Variants in GPC5 observed in about 807,000 individuals in gnomAD.
GPC5 encodes glypican 5, also known as glypican-5.
A neutral mutation model predicts 53.9 loss-of-function variants in GPC5; 47 were observed. That is an observed-to-expected ratio of 0.87 (90% CI 0.69 to 1.11). GPC5 has a LOEUF of 1.11. GPC5 is among the 50% of genes most tolerant of loss of function. The probability of loss-of-function intolerance (pLI) is 0.00; values close to 1 mark genes in which losing one functional copy is unlikely to be tolerated. For synonymous variants in GPC5, 286 were observed against 263.3 expected (o/e 1.09, Z -0.84); for missense variants, 748 against 713.1 (o/e 1.05, Z -0.56).
intron 7 of GPC5, among the ~76,000 whole-genome samples, chr13:92,154,989 C>T (rs910303324): frequency 6.6e-6 from 1 of 152,156 alleles, no homozygotes; most frequent in African/African-American, 2.4e-5. Context: ...TATTTTCTCT[C>T]CCCATTCTAT....
chr13:91,859,034 C>CT (rs57168055), intron 5 of GPC5, among the ~76,000 whole-genome samples: 1,636 of 140,698 alleles, frequency 0.012, 14 homozygotes, highest in Non-Finnish European at 0.018. Flanking sequence ...TTATTTAGGT[C>CT]TTTTTTTTTT....
intron 7 of GPC5, among the ~76,000 whole-genome samples, chr13:92,419,278 A>ATTT (rs200724298): frequency 6.7e-6 from 1 of 150,142 alleles, no homozygotes; most frequent in Non-Finnish European, 1.5e-5. Flanking sequence ...CAGCAGTATT[A>ATTT]TTTTTTTTTT....
intron 7 of GPC5, chr13:92,659,020 C>T (rs1886242179): frequency 6.8e-6 from 1 of 146,708 alleles, no homozygotes; most frequent in African/African-American, 2.5e-5. Flanking sequence ...GCTCCGCCTC[C>T]CGGGTTCACG....
chr13:92,819,759 T>A (rs1202117045), intron 7 of GPC5, among the ~76,000 whole-genome samples: 1 of 152,132 alleles, frequency 6.6e-6, no homozygotes, highest in Non-Finnish European at 1.5e-5. Context: ...TTGTTTACTA[T>A]TTTATTTGGG....
chr13:91,436,725 C>A (rs1224426935), intron 1 of GPC5, among the ~76,000 whole-genome samples: 4 of 152,152 alleles, frequency 2.6e-5, no homozygotes, highest in Non-Finnish European at 4.4e-5. Context: ...GAGCTGAGTT[C>A]AGTTCCTGGA....
chr13:92,578,014 T>G (rs994059036), intron 7 of GPC5, among the ~76,000 whole-genome samples: 1 of 152,188 alleles, frequency 6.6e-6, no homozygotes, highest in African/African-American at 2.4e-5. Flanking sequence ...AATGAAGGTT[T>G]ATTTGTGAAA....
At position 91,564,210 on chromosome 13, in the gene GPC5, T is replaced by C. The variant is rs571210330; in HGVS notation, c.325+115288T>C. On this transcript the variant is annotated intron_variant, in intron 2 of 7. Transcript: ENST00000377067. The stretch of plus-strand genomic sequence containing the variant: ...CCCCTTACCATCATCTTCGTGGTGA[T>C]TTCTTCTTTTAGGAGAAGATTTTCT... Among the ~76,000 whole-genome samples the C allele has an allele frequency of 2.6e-5, 4 of 152,338 alleles. No homozygotes were observed. In the South Asian group the frequency reaches 6.2e-4, roughly 24 times the overall value.
chr13:91,947,536 A>T (rs2039984766), intron 6 of GPC5, among the ~76,000 whole-genome samples: 1 of 152,214 alleles, frequency 6.6e-6, no homozygotes, highest in Admixed American at 6.5e-5. Context: ...ATTGTAGAAG[A>T]AACACCAATC....
intron 7 of GPC5, among the ~76,000 whole-genome samples, chr13:92,756,908 A>T (rs1385209386): frequency 2.6e-5 from 4 of 151,720 alleles, no homozygotes; most frequent in South Asian, 2.1e-4. Flanking sequence ...CATACTGCCC[A>T]AGGTAATTTA....
intron 2 of GPC5, among the ~76,000 whole-genome samples, chr13:91,566,904 A>G (rs1031398382): frequency 4.6e-5 from 7 of 151,556 alleles, no homozygotes; most frequent in Non-Finnish European, 8.8e-5. Flanking sequence ...AGATTATATT[A>G]CAAAATTAAT....
intron 7 of GPC5, among the ~76,000 whole-genome samples, chr13:92,706,458 A>G (rs1322692647): frequency 6.6e-6 from 1 of 152,106 alleles, no homozygotes. Context: ...TTTCCATAAG[A>G]TAGCACTAGT....
At chr13:91,904,824 C>A (rs912417645) in intron 5 of GPC5, among the ~76,000 whole-genome samples, 23 of 152,016 alleles carry the variant, frequency 1.5e-4, no homozygotes, top group Admixed American at 1.1e-3. Flanking sequence ...TGAGTGGAAG[C>A]ACTGGAGCAT....
chr13:92,741,835 T>C (rs1889105467), intron 7 of GPC5, among the ~76,000 whole-genome samples: 1 of 151,818 alleles, frequency 6.6e-6, no homozygotes, highest in Non-Finnish European at 1.5e-5. Context: ...GAACACGCGG[T>C]GTTTGGTTTT....
chr13:92,667,532 G>A (rs943444469), intron 7 of GPC5, among the ~76,000 whole-genome samples: 1 of 152,110 alleles, frequency 6.6e-6, no homozygotes, highest in African/African-American at 2.4e-5. Context: ...CATGGGTTAT[G>A]AAATTGAGGT....
intron 7 of GPC5, among the ~76,000 whole-genome samples, chr13:92,155,214 A>G (rs1337498615): frequency 6.6e-6 from 1 of 152,150 alleles, no homozygotes; most frequent in East Asian, 1.9e-4. Context: ...ATTTTGTTCA[A>G]TACAAAAATG....
At chr13:91,423,927 A>T (rs1198277508) in intron 1 of GPC5, among the ~76,000 whole-genome samples, 1 of 152,202 alleles carries the variant, frequency 6.6e-6, no homozygotes, top group Non-Finnish European at 1.5e-5. Context: ...TTTAAACTTA[A>T]AAGTTTCCAA....
At chr13:92,154,925 G>A (rs1430434163) in intron 7 of GPC5, among the ~76,000 whole-genome samples, 1 of 152,060 alleles carries the variant, frequency 6.6e-6, no homozygotes, top group Non-Finnish European at 1.5e-5. Flanking sequence ...TACTAAAACT[G>A]CCCTTACGCA....
chr13:92,110,676 T>C (rs2041549829), intron 6 of GPC5, among the ~76,000 whole-genome samples: 1 of 152,218 alleles, frequency 6.6e-6, no homozygotes. Flanking sequence ...AGTCTCATTT[T>C]AGTTCTCTAA....
chr13:91,975,819 C>T (rs1373818163), intron 6 of GPC5, among the ~76,000 whole-genome samples: 1 of 152,150 alleles, frequency 6.6e-6, no homozygotes, highest in Non-Finnish European at 1.5e-5. Context: ...GACACATGCA[C>T]ACATATGTTT....
Sources: allele counts gnomAD v4.1 joint callset (sites outside exome capture counted in the v4.1 genomes callset), GRCh38; gene constraint gnomAD v4.1.1; transcripts MANE v1.5; gene names NCBI Gene and HGNC (gene_info 2026-07-23, HGNC 2026-07-21).